The following EIF2AK4 variants were observed in gnomAD, a reference collection of about 807,000 sequenced individuals.
EIF2AK4 encodes eukaryotic translation initiation factor 2 alpha kinase 4.
In EIF2AK4, 139 loss-of-function variants were observed where a neutral mutation model predicts 211.1. The ratio of observed to expected loss-of-function variants is 0.66; its 90% CI spans 0.57 to 0.76. The LOEUF is 0.76. Ranked by LOEUF, EIF2AK4 falls within the 30% of genes least tolerant of loss-of-function variation. The pLI is 0.00. For synonymous variants in EIF2AK4, 710 were observed against 751.3 expected, an observed-to-expected ratio of 0.94 and a Z score of 0.90; for missense variants, 1,664 against 2,043.8, an observed-to-expected ratio of 0.81 and a Z score of 3.58.
At position 40,009,642 on chromosome 15, in the gene EIF2AK4, A is replaced by G. The variant is rs1159906680; in HGVS notation, c.3605A>G (p.His1202Arg). The G allele has an allele frequency of 6.2e-7, 1 of 1,604,918 alleles. No homozygotes were observed. The highest frequency in any genetic ancestry group is 8.5e-7 in the Non-Finnish European group (1 of 1,176,450). ...AGAAATTACAGTATTTATTTGAACC[A>G]TACCATGTTATTGAAAGCAATACTC... ...QERNYSIYLN[H>R]TMLLKAILLH... Residue 1202 changes from histidine (H) to arginine (R), a missense_variant, in exon 26 of 39, where the codon CAT (histidine) becomes CGT (arginine). Coordinates refer to ENST00000263791, the MANE Select transcript of EIF2AK4 (RefSeq NM_001013703.4).
rs146624672 is a variant in EIF2AK4 at position 39,959,004 on chromosome 15, T to G, written c.744-2780T>G. Among the ~76,000 whole-genome samples, 361 of 152,366 alleles carry G rather than the reference T, an allele frequency of 2.4e-3. 4 individuals are homozygous for G. Among genetic ancestry groups the G allele is most frequent in the East Asian group, 0.018 (91 of 5,192 alleles). ...ATTGTATTATGTTTCTCTGTTCTTT[T>G]TAAAGACCTAGATTAATACTATTTG... is the stretch of plus-strand genomic sequence containing the variant. On this transcript the variant is annotated intron_variant, in intron 6 of 38. Transcript: ENST00000263791.
chr15:40,003,258 G>A lies in EIF2AK4; in HGVS notation c.3301G>A (p.Ala1101Thr), dbSNP rs1251237585. 1 of 1,614,082 alleles carries A rather than the reference G, an allele frequency of 6.2e-7. No individual in the cohort carries two copies. Among genetic ancestry groups the A allele is most frequent in the Non-Finnish European group, 8.5e-7 (1 of 1,180,046 alleles). The change falls in exon 23 of 39, where the codon GCT becomes ACT. Residue 1101 changes from alanine (A) to threonine (T), a missense_variant. Physicochemically the swap from Ala to Thr is moderately conservative, Grantham distance 58 (BLOSUM62 0). Coordinates refer to ENST00000263791, the MANE Select transcript of EIF2AK4 (RefSeq NM_001013703.4). ...RNRQIYEHNE[A>T]ALFMDHSGML... The stretch of plus-strand genomic sequence containing the variant: ...CAGACAAATATATGAGCACAACGAA[G>A]CTGCCCTATTCATGGACCACAGCGG...
At chr15:40,033,121 CA>C (rs2035565768) in intron 37 of EIF2AK4, among the ~76,000 whole-genome samples, 1 of 152,204 alleles carries the variant, frequency 6.6e-6, no homozygotes, top group African/African-American at 2.4e-5. Context: ...AGTAGTAACT[CA>C]TTTAATCATT....
At chr15:40,001,311 CTAACA>C in intron 21 of EIF2AK4, 87 bp downstream of exon 21, 1 of 1,333,956 alleles carries the variant, frequency 7.5e-7, no homozygotes, top group South Asian at 1.3e-5. Context: ...TTTAATGCCT[CTAACA>C]TAAGTTCTTA....
chr15:39,934,301 G>T lies in EIF2AK4; in HGVS notation c.106G>T (p.Ala36Ser). The change falls in exon 1 of 39, where the codon GCG (alanine) becomes TCG (serine). Residue 36 changes from alanine to serine, a missense_variant. Transcript: ENST00000263791. ...ACAGGCCCTGGAGGCCATTTACGGCGCGGACTTCCAAGACCTGCGGCCGGA... is the reference window on the plus strand; with the variant it reads ...ACAGGCCCTGGAGGCCATTTACGGCTCGGACTTCCAAGACCTGCGGCCGGA... Reference protein sequence around the residue: ...ELQALEAIYGADFQDLRPDAC... With the variant: ...ELQALEAIYGSDFQDLRPDAC... 2 of 1,612,044 alleles carry T rather than the reference G, an allele frequency of 1.2e-6. No homozygotes were observed. The highest frequency in any genetic ancestry group is 1.7e-6 in the Non-Finnish European group (2 of 1,179,154).
chr15:40,013,440 G>A (rs2035263657), intron 27 of EIF2AK4, among the ~76,000 whole-genome samples: 1 of 152,210 alleles, frequency 6.6e-6, no homozygotes, highest in Non-Finnish European at 1.5e-5. Context: ...ATAAAGGAAA[G>A]AGGTTTAATG....
At chr15:39,980,191 C>G (rs1216605892) in intron 13 of EIF2AK4, among the ~76,000 whole-genome samples, 2 of 152,160 alleles carry the variant, frequency 1.3e-5, no homozygotes, top group African/African-American at 4.8e-5. Flanking sequence ...TTAAGGGTTG[C>G]AGCTACCTCA....
At chr15:40,005,002 A>G (rs1274928805) in intron 23 of EIF2AK4, among the ~76,000 whole-genome samples, 2 of 152,260 alleles carry the variant, frequency 1.3e-5, no homozygotes, top group Non-Finnish European at 2.9e-5. Context: ...AAAAATTCCA[A>G]CAAGCAAAAT....
chr15:40,001,349 A>G, intron 21 of EIF2AK4, 125 bp downstream of exon 21: 2 of 926,136 alleles, frequency 2.2e-6, no homozygotes, highest in Non-Finnish European at 3.3e-6. Context: ...GAAGCCCCTA[A>G]AAGTACATGC....
At chr15:39,945,592 C>T (rs375433370) in intron 3 of EIF2AK4, among the ~76,000 whole-genome samples, 15 of 152,260 alleles carry the variant, frequency 9.9e-5, no homozygotes, top group East Asian at 9.6e-4. Flanking sequence ...GCAAGTTACC[C>T]GGAAAAACCT....
intron 16 of EIF2AK4, 126 bp downstream of exon 16, chr15:39,990,503 A>C: frequency 1.3e-6 from 1 of 769,560 alleles, no homozygotes; most frequent in Non-Finnish European, 2.1e-6. Context: ...GAGATTATAC[A>C]AACCTGAAGG....
In EIF2AK4 at chr15:39,997,670, G is replaced by C. The variant is rs73388567; in HGVS notation, c.2868+605G>C. Among the ~76,000 whole-genome samples the C allele has an allele frequency of 4.6e-5, 7 of 152,220 alleles. No individual in the cohort carries two copies. The South Asian group carries it at 1.4e-3, about 32-fold the overall frequency. Reference sequence around the variant, plus strand: ...CAAGACCAGAAGTTAAAACGGGTCCGAAAAAAATATCTGCCCCTTGAAATG... The same window carrying C: ...CAAGACCAGAAGTTAAAACGGGTCCCAAAAAAATATCTGCCCCTTGAAATG... On this transcript the variant is annotated intron_variant, in intron 19 of 38. Coordinates refer to ENST00000263791, the MANE Select transcript of EIF2AK4 (RefSeq NM_001013703.4).
At chr15:40,017,342 T>C (rs994000673) in intron 29 of EIF2AK4, 100 bp downstream of exon 29, 1 of 1,361,548 alleles carries the variant, frequency 7.3e-7, no homozygotes, top group African/African-American at 1.5e-5. Context: ...TTTGAACCAG[T>C]AATATCATTG....
intron 27 of EIF2AK4, among the ~76,000 whole-genome samples, chr15:40,015,539 C>T (rs997347920): frequency 1.3e-5 from 2 of 152,182 alleles, no homozygotes; most frequent in Non-Finnish European, 2.9e-5. Context: ...TCAGTTACCT[C>T]CCACTGGATC....
intron 6 of EIF2AK4, among the ~76,000 whole-genome samples, chr15:39,957,705 A>T (rs888259166): frequency 1.3e-5 from 2 of 152,202 alleles, no homozygotes; most frequent in African/African-American, 2.4e-5. Flanking sequence ...TGGAAGACAC[A>T]TGGTAGGTGC....
Position 39,972,962 on chromosome 15 carries a change from C to T in EIF2AK4, c.1608C>T (p.His536=), listed in dbSNP as rs1309521249. The T allele has an allele frequency of 3.1e-6, 5 of 1,613,842 alleles. No individual in the cohort carries two copies. Among genetic ancestry groups the T allele is most frequent in the East Asian group, 2.2e-5 (1 of 44,862 alleles). ...GGAGTCCCCAGCAGTTGTTGAAACA[C>T]AGCTTTATAAATCCCCAGCCAAAAA... ...ERWSPQQLLK[H]SFINPQPKMP... Residue 536 remains histidine (H), a synonymous_variant, in exon 10 of 39, where the codon CAC becomes CAT. Transcript: ENST00000263791.
intron 14 of EIF2AK4, among the ~76,000 whole-genome samples, 199 bp from the exon 15 acceptor site, chr15:39,987,784 T>G (rs899588389): frequency 6.6e-6 from 1 of 152,200 alleles, no homozygotes; most frequent in Non-Finnish European, 1.5e-5. Flanking sequence ...TATGTTGGAG[T>G]GCCAAGAGTA....
rs2035109080 is a variant in EIF2AK4 at position 40,002,704 on chromosome 15, C to G, written c.3160-9C>G. ...TTCAATGATGATGTTTTAATCGGTC[C>G]TGTTTTAGGGCAACTTCTCAATCCG... On this transcript the variant is annotated splice_polypyrimidine_tract_variant and intron_variant, in intron 21 of 38. Transcript: ENST00000263791. 1 of 1,613,916 alleles carries G rather than the reference C, an allele frequency of 6.2e-7. No homozygotes were observed. Among genetic ancestry groups the G allele is most frequent in the African/African-American group, 1.3e-5 (1 of 74,922 alleles).
intron 3 of EIF2AK4, among the ~76,000 whole-genome samples, chr15:39,947,795 A>G (rs1405835986): frequency 6.6e-6 from 1 of 152,260 alleles, no homozygotes; most frequent in Non-Finnish European, 1.5e-5. Context: ...CTGTAGCACC[A>G]GGGGAGTAGG....
Sources: allele counts gnomAD v4.1 joint callset (sites outside exome capture counted in the v4.1 genomes callset), GRCh38; gene constraint gnomAD v4.1.1; transcripts MANE v1.5; gene names NCBI Gene and HGNC (gene_info 2026-07-23, HGNC 2026-07-21).